The following OPCML variants were observed in gnomAD, a reference collection of about 807,000 sequenced individuals.
The protein encoded by OPCML is opioid binding protein/cell adhesion molecule like.
OPCML carries 13 observed loss-of-function variants against 37.8 expected under a neutral mutation model. The observed-to-expected ratio is 0.34, with a 90% CI of 0.22 to 0.55. The LOEUF (loss-of-function observed/expected upper bound fraction) is 0.55, where lower values mean the gene tolerates loss of function less well. Among genes scored for constraint, OPCML ranks in the 20% least tolerant of loss-of-function variants. The pLI is 0.91. For synonymous variants in OPCML, 176 were observed against 168.8 expected (o/e 1.04, Z -0.33); for missense variants, 341 against 435.6 (o/e 0.78, Z 1.93).
chr11:132,656,980 A>G (rs1029586016), intron 3 of OPCML, 107 bp downstream of exon 3: 94 of 1,509,516 alleles, frequency 6.2e-5, no homozygotes, highest in Non-Finnish European at 7.9e-5. Flanking sequence ...AATTCAGTAG[A>G]GGAAGATGAC....
At chr11:132,586,069 G>A (rs1352182117) in intron 3 of OPCML, among the ~76,000 whole-genome samples, 1 of 152,020 alleles carries the variant, frequency 6.6e-6, no homozygotes, top group African/African-American at 2.4e-5. Context: ...TGTAGGGTGG[G>A]GGCACTGAGT....
chr11:132,438,215 G>C (rs980105002), intron 4 of OPCML, among the ~76,000 whole-genome samples: 1 of 152,184 alleles, frequency 6.6e-6, no homozygotes, highest in Non-Finnish European at 1.5e-5. Flanking sequence ...CTTACTCCCT[G>C]TGGTTCAGTG....
At chr11:133,448,052 T>C (rs1946506906) in intron 1 of OPCML, among the ~76,000 whole-genome samples, 2 of 152,230 alleles carry the variant, frequency 1.3e-5, no homozygotes, top group African/African-American at 2.4e-5. Flanking sequence ...AAAAGTCCAA[T>C]GTATTATTTT....
intron 4 of OPCML, among the ~76,000 whole-genome samples, chr11:132,473,499 C>T (rs961385205): frequency 6.6e-6 from 1 of 152,178 alleles, no homozygotes; most frequent in Non-Finnish European, 1.5e-5. Flanking sequence ...AAGGAGACTG[C>T]ATTTTTCAGA....
In OPCML at chr11:132,618,434, C is replaced by T. The variant is rs186331647; in HGVS notation, c.379+38653G>A. ...AGGAGACTCACTTGAACCCGGGAGG[C>T]GTAGGTTGCAGTGAGCCGAGATGGC... On this transcript the variant is annotated intron_variant, in intron 3 of 7. Coordinates refer to ENST00000524381, the MANE Select transcript of OPCML (RefSeq NM_001012393.5). Among the ~76,000 whole-genome samples the T allele has an allele frequency of 4.5e-3, 680 of 152,152 alleles. 2 individuals carry two copies. The highest frequency in any genetic ancestry group is 6.6e-3 in the Non-Finnish European group (446 of 68,004).
At chr11:133,299,846 C>T (rs1240800156) in intron 1 of OPCML, 1 of 152,086 alleles carries the variant, frequency 6.6e-6, no homozygotes, top group Non-Finnish European at 1.5e-5. Flanking sequence ...GGGATCCCTA[C>T]CTAGAAAAAA....
chr11:133,203,006 A>G (rs1042988077), intron 1 of OPCML, among the ~76,000 whole-genome samples: 2 of 152,220 alleles, frequency 1.3e-5, no homozygotes, highest in Admixed American at 1.3e-4. Context: ...CTGGCGTTTT[A>G]CCACAGGAAG....
intron 1 of OPCML, among the ~76,000 whole-genome samples, chr11:133,204,494 CTT>C (rs1938947150): frequency 6.6e-6 from 1 of 152,096 alleles, no homozygotes; most frequent in Non-Finnish European, 1.5e-5. Flanking sequence ...GGAGTGGACA[CTT>C]TGTCAGGTCC....
rs180692787 is a variant in OPCML at position 133,494,041 on chromosome 11, A to C, written c.61+38223T>G. ...AAAAAAAAACACACAACCCCATCAAAAAGTGGGCAAAGGACATGAACAGAC... is the reference window on the plus strand; with the variant it reads ...AAAAAAAAACACACAACCCCATCAACAAGTGGGCAAAGGACATGAACAGAC... On this transcript the variant is annotated intron_variant, in intron 1 of 7. Transcript: ENST00000524381. Among the ~76,000 whole-genome samples, 99 of 152,312 alleles carry C rather than the reference A, an allele frequency of 6.5e-4. 3 individuals are homozygous for C. The highest frequency in any genetic ancestry group is 2.2e-3 in the African/African-American group (93 of 41,574).
chr11:133,097,037 T>C (rs373741518), intron 1 of OPCML, among the ~76,000 whole-genome samples: 1 of 152,170 alleles, frequency 6.6e-6, no homozygotes, highest in South Asian at 2.1e-4. Flanking sequence ...AAAACTGTCA[T>C]GAGTCAATTA....
chr11:132,606,663 GGGCC>G (rs1938319437), intron 3 of OPCML, among the ~76,000 whole-genome samples: 1 of 118,018 alleles, frequency 8.5e-6, no homozygotes, highest in Non-Finnish European at 1.9e-5. Flanking sequence ...TCCCACTTCT[GGGCC>G]AATGGGACCG....
chr11:133,343,600 AC>A (rs1943927094), intron 1 of OPCML, among the ~76,000 whole-genome samples: 1 of 152,128 alleles, frequency 6.6e-6, no homozygotes, highest in Non-Finnish European at 1.5e-5. Flanking sequence ...ACTATTCACA[AC>A]CAGGTTATTT....
intron 1 of OPCML, among the ~76,000 whole-genome samples, chr11:133,081,502 A>C (rs909134042): frequency 2.0e-5 from 3 of 152,240 alleles, no homozygotes; most frequent in African/African-American, 7.2e-5. Context: ...AAGCGCTCTT[A>C]CACAGGACTG....
chr11:132,826,162 T>C (rs1276390420), intron 2 of OPCML, among the ~76,000 whole-genome samples: 1 of 152,210 alleles, frequency 6.6e-6, no homozygotes, highest in Non-Finnish European at 1.5e-5. Flanking sequence ...AGGTATGCTT[T>C]TCTGTGTGCT....
intron 1 of OPCML, among the ~76,000 whole-genome samples, chr11:132,991,787 G>A (rs781119592): frequency 7.9e-5 from 12 of 152,102 alleles, no homozygotes; most frequent in African/African-American, 2.7e-4. Context: ...GTTGATTCCC[G>A]ATCCCTGTTT....
chr11:133,316,736 T>C (rs1943213856), intron 1 of OPCML, among the ~76,000 whole-genome samples: 1 of 152,246 alleles, frequency 6.6e-6, no homozygotes, highest in Admixed American at 6.5e-5. Flanking sequence ...TGTATGGATA[T>C]AAGTATCTGC....
Position 132,942,980 on chromosome 11 carries a change from A to G in OPCML, c.92T>C (p.Phe31Ser), listed in dbSNP as rs1230729240. 6.2e-7 allele frequency: 1 copy of G among 1,614,082 alleles called. No homozygotes were observed. Among genetic ancestry groups the G allele is most frequent in the East Asian group, 2.2e-5 (1 of 44,860 alleles). ...CGTCACGTTGTCCATAGCTTTGGGG[A>G]AGGTGGCATCTCCGCTGCGCACGGG... ...GVPVRSGDAT[F>S]PKAMDNVTVR... Residue 31 changes from phenylalanine to serine, a missense_variant, in exon 2 of 8, where the codon TTC becomes TCC. Phe to Ser is a radical substitution (Grantham distance 155, BLOSUM62 -2). Transcript: ENST00000524381.
chr11:133,218,210 A>G (rs36101233), intron 1 of OPCML, among the ~76,000 whole-genome samples: 48,225 of 151,870 alleles, frequency 0.32, 8,238 homozygotes, highest in African/African-American at 0.41. Context: ...GTGTAATCCA[A>G]ATTGGAATCA....
At position 132,488,097 on chromosome 11, in the gene OPCML, G is replaced by A. The variant is rs574052244; in HGVS notation, c.505+40964C>T. On this transcript the variant is annotated intron_variant, in intron 4 of 7. Coordinates refer to ENST00000524381, the MANE Select transcript of OPCML (RefSeq NM_001012393.5). ...CCACCCTGGGCCTCCCCAACCGCAT[G>A]CCTATGCAGCTGCTTATGCTGCTCT... is the stretch of plus-strand genomic sequence containing the variant. 3.3e-5 allele frequency among the ~76,000 whole-genome samples: 5 copies of A among 152,356 alleles called. No homozygotes were observed. The South Asian group carries it at 8.3e-4, about 25-fold the overall frequency.
Sources: allele counts gnomAD v4.1 joint callset (sites outside exome capture counted in the v4.1 genomes callset), GRCh38; gene constraint gnomAD v4.1.1; transcripts MANE v1.5; gene names NCBI Gene and HGNC (gene_info 2026-07-23, HGNC 2026-07-21).